DPY19L2: variants seen among roughly 807,000 people sequenced by gnomAD.
DPY19L2 encodes the protein dpy-19 like 2, also known as probable C-mannosyltransferase DPY19L2.
DPY19L2 carries 34 observed loss-of-function variants against 97.9 expected under a neutral mutation model. The ratio of observed to expected loss-of-function variants is 0.35; its 90% confidence interval spans 0.26 to 0.46. The LOEUF (loss-of-function observed/expected upper bound fraction) is 0.46, where lower values mean the gene tolerates loss of function less well. Among genes scored for constraint, DPY19L2 ranks in the 20% least tolerant of loss-of-function variants. The pLI, the probability that DPY19L2 is intolerant of heterozygous loss-of-function variation, is 1.00. For missense variants in DPY19L2, 623 were observed against 911.4 expected (o/e 0.68, Z 4.07); for synonymous variants, 230 against 307.9 (o/e 0.75, Z 2.65).
intron 16 of DPY19L2, among the ~76,000 whole-genome samples, chr12:63,584,743 A>G (rs1249762855): frequency 6.6e-6 from 1 of 152,204 alleles, no homozygotes; most frequent in Non-Finnish European, 1.5e-5. Context: ...GTTCAAGAGC[A>G]GTGATGCTGG....
intron 11 of DPY19L2, among the ~76,000 whole-genome samples, chr12:63,612,573 T>C (rs1450915729): frequency 1.4e-5 from 2 of 141,422 alleles, no homozygotes; most frequent in Non-Finnish European, 3.1e-5. Flanking sequence ...ACAAGAAAGG[T>C]CTCAAGTCAA....
intron 12 of DPY19L2, among the ~76,000 whole-genome samples, chr12:63,602,975 C>T (rs1027509421): frequency 6.6e-6 from 1 of 152,024 alleles, no homozygotes; most frequent in Non-Finnish European, 1.5e-5. Flanking sequence ...CATTATCTCA[C>T]AAAGCAAAGA....
chr12:63,649,585 G>A (rs999093644), intron 4 of DPY19L2, among the ~76,000 whole-genome samples: 4 of 151,974 alleles, frequency 2.6e-5, no homozygotes, highest in African/African-American at 7.2e-5. Context: ...TAGAAGAAAT[G>A]GCTAAATTCC....
chr12:63,632,302 A>G (rs1413257724), intron 6 of DPY19L2, among the ~76,000 whole-genome samples: 1 of 152,196 alleles, frequency 6.6e-6, no homozygotes. Flanking sequence ...ACATGATTGT[A>G]CATCTAGAAA....
At chr12:63,562,515 T>C (rs1030323351) in intron 21 of DPY19L2, among the ~76,000 whole-genome samples, 46 of 152,194 alleles carry the variant, frequency 3.0e-4, no homozygotes, top group Admixed American at 2.6e-3. Flanking sequence ...GATGGATATA[T>C]GCTTTCTTTT....
rs1876576168 is a variant in DPY19L2 at position 63,561,810 on chromosome 12, C to T, written c.2127-1148G>A. 2.6e-5 allele frequency among the ~76,000 whole-genome samples: 4 copies of T among 151,732 alleles called. No individual in the cohort carries two copies. In the South Asian group the frequency reaches 8.3e-4, roughly 32 times the overall value. On this transcript the variant is annotated intron_variant, in intron 21 of 21. Transcript: ENST00000324472. ...AGGGAAACACCTAGGAGTGGAATTG[C>T]TGGGTTGCATGGTTATGTATGATTA...
chr12:63,633,287 A>G (rs1891044028), intron 6 of DPY19L2, among the ~76,000 whole-genome samples: 1 of 152,042 alleles, frequency 6.6e-6, no homozygotes, highest in African/African-American at 2.4e-5. Context: ...AACCTACAGA[A>G]TGGGAGAAAT....
Position 63,569,205 on chromosome 12 carries a change from G to T in DPY19L2, c.2126+19C>A. On this transcript the variant is annotated intron_variant, in intron 21 of 21. Transcript: ENST00000324472. ...GCTCAAAAATATACCATATCAGATA[G>T]CATAGGGTTAATACTCACTTAGTTC... The T allele has an allele frequency of 1.3e-6, 2 of 1,584,382 alleles. No individual in the cohort carries two copies. Among genetic ancestry groups the T allele is most frequent in the Non-Finnish European group, 1.7e-6 (2 of 1,168,620 alleles).
chr12:63,580,011 T>C (rs1438371333), intron 19 of DPY19L2, among the ~76,000 whole-genome samples: 1 of 152,180 alleles, frequency 6.6e-6, no homozygotes, highest in Non-Finnish European at 1.5e-5. Flanking sequence ...ATAGACTTAT[T>C]CTCTGGAAAG....
At chr12:63,612,599 C>A (rs1356303134) in intron 11 of DPY19L2, among the ~76,000 whole-genome samples, 1 of 89,868 alleles carries the variant, frequency 1.1e-5, no homozygotes, top group Non-Finnish European at 2.0e-5. Context: ...TTGCTTTATA[C>A]CTTTAAAAAA....
chr12:63,666,190 T>C (rs1346902515), intron 1 of DPY19L2, among the ~76,000 whole-genome samples: 1 of 152,112 alleles, frequency 6.6e-6, no homozygotes, highest in African/African-American at 2.4e-5. Flanking sequence ...TTCCTTTATA[T>C]GAAATTTTTA....
In DPY19L2 at chr12:63,570,827, A is replaced by G. The variant is rs775873403; in HGVS notation, c.1931T>C (p.Met644Thr). 14 of 1,611,730 alleles carry G rather than the reference A, an allele frequency of 8.7e-6. No individual in the cohort carries two copies. Among genetic ancestry groups the G allele is most frequent in the Non-Finnish European group, 1.1e-5 (13 of 1,178,982 alleles). ...DAVFAGAMPT[M>T]ASIKLSTLHP... Reference sequence around the variant, plus strand: ...AAGTGTAGACAGCTTGATGCTTGCCATTGTAGGCATGGCACCTGCAAAGAC... The same window carrying G: ...AAGTGTAGACAGCTTGATGCTTGCCGTTGTAGGCATGGCACCTGCAAAGAC... The change falls in exon 20 of 22, where the codon ATG becomes ACG. Residue 644 changes from methionine to threonine, a missense_variant. Coordinates refer to ENST00000324472, the MANE Select transcript of DPY19L2 (RefSeq NM_173812.5).
At position 63,559,588 on chromosome 12, in the gene DPY19L2, T is replaced by G. The variant is rs992304166; in HGVS notation, c.*924A>C. The stretch of plus-strand genomic sequence containing the variant: ...CCAAAAATAAATGAGGGCTTAAAAA[T>G]ATATTATTTAAGAAGATAGTGGCCA... On this transcript the variant is annotated 3_prime_UTR_variant, in exon 22 of 22. Coordinates refer to ENST00000324472, the MANE Select transcript of DPY19L2 (RefSeq NM_173812.5). 2 of 152,534 alleles carry G rather than the reference T, an allele frequency of 1.3e-5. No homozygotes were observed. The highest frequency in any genetic ancestry group is 2.9e-5 in the Non-Finnish European group (2 of 68,018). 9.4% of individuals were successfully genotyped at this position (152,534 alleles called of 1,614,324 possible).
chr12:63,575,504 A>G (rs1385138851), intron 19 of DPY19L2, among the ~76,000 whole-genome samples: 10 of 151,824 alleles, frequency 6.6e-5, no homozygotes. Context: ...AGAAAACAGT[A>G]TAAAAGATCA....
At chr12:63,601,110 A>G (rs978623095) in intron 12 of DPY19L2, among the ~76,000 whole-genome samples, 4 of 152,092 alleles carry the variant, frequency 2.6e-5, no homozygotes, top group Non-Finnish European at 4.4e-5. Flanking sequence ...TTAAAAGGTT[A>G]CTTCCTTTTG....
At chr12:63,623,939 A>G in intron 8 of DPY19L2, 101 bp downstream of exon 8, 1 of 853,516 alleles carries the variant, frequency 1.2e-6, no homozygotes, top group Non-Finnish European at 1.9e-6. Flanking sequence ...CCTGACCTCA[A>G]GTGATCCACC....
chr12:63,604,383 T>C (rs1885695867), intron 12 of DPY19L2, among the ~76,000 whole-genome samples: 1 of 152,212 alleles, frequency 6.6e-6, no homozygotes, highest in Non-Finnish European at 1.5e-5. Flanking sequence ...TCTGCAGGTG[T>C]GTCTTTCACC....
chr12:63,668,529 T>A (rs1161625697), upstream of DPY19L2: 2 of 917,310 alleles, frequency 2.2e-6, no homozygotes, highest in South Asian at 3.6e-5. Context: ...CCGGTCGTCA[T>A]GGCGACTGTG....
chr12:63,622,898 TG>T (rs1013391205), intron 8 of DPY19L2, among the ~76,000 whole-genome samples: 55 of 152,270 alleles, frequency 3.6e-4, no homozygotes, highest in African/African-American at 1.3e-3. Context: ...CACTCCAGCC[TG>T]GGTGACAGAG....
Sources: allele counts gnomAD v4.1 joint callset (sites outside exome capture counted in the v4.1 genomes callset), GRCh38; gene constraint gnomAD v4.1.1; transcripts MANE v1.5; gene names NCBI Gene and HGNC (gene_info 2026-07-23, HGNC 2026-07-21).